Variants in SP6 observed in about 807,000 individuals in gnomAD.
The protein encoded by SP6 is Sp6 transcription factor.
Under a neutral mutation model 23.4 loss-of-function variants are expected in SP6, and 10 were observed. That is an observed-to-expected ratio of 0.43 (90% CI 0.26 to 0.72). The LOEUF is 0.72. Ranked by LOEUF, SP6 falls within the 30% of genes least tolerant of loss-of-function variation. The pLI is 0.23. For missense variants in SP6, 482 were observed against 523.8 expected (o/e 0.92, Z 0.78); for synonymous variants, 238 against 238.7 (o/e 1.00, Z 0.03).
At chr17:47,850,005 C>CG (rs1405892276) in intron 1 of SP6, among the ~76,000 whole-genome samples, 1 of 152,088 alleles carries the variant, frequency 6.6e-6, no homozygotes, top group Admixed American at 6.6e-5. Context: ...GAGAGGAGGA[C>CG]GGGGGCACCT....
the SP6 span, among the ~76,000 whole-genome samples, chr17:47,874,449 G>A: frequency 1.3e-5 from 2 of 152,144 alleles, no homozygotes; most frequent in Non-Finnish European, 2.9e-5. Flanking sequence ...GTACATGCCT[G>A]TAATTCCAGG....
Position 47,848,435 on chromosome 17 carries a change from G to A in SP6, c.-6C>T. On this transcript the variant is annotated 5_prime_UTR_variant, in exon 2 of 2. Coordinates refer to ENST00000536300, the MANE Select transcript of SP6 (RefSeq NM_001258248.2). The surrounding 1 kb of genome is among the most constrained non-coding windows in gnomAD (Gnocchi z 5.3). ...CCGCAGACAGCGGTTAGCATTGCCG[G>A]GATCCGGGGTGGGGTGAGGGCAGGG... 1.3e-6 allele frequency: 2 copies of A among 1,496,840 alleles called. No individual in the cohort carries two copies. The highest frequency in any genetic ancestry group is 1.8e-6 in the Non-Finnish European group (2 of 1,119,474). The allele number at this position is 1,496,840 out of a possible 1,614,324, so 92.7% of individuals were successfully genotyped here.
the SP6 span, among the ~76,000 whole-genome samples, chr17:47,861,566 C>G: frequency 1.3e-5 from 2 of 152,222 alleles, no homozygotes; most frequent in Non-Finnish European, 2.9e-5. Flanking sequence ...AAACCCATCT[C>G]TACCAAAAAT....
chr17:47,875,636 G>C, the SP6 span, among the ~76,000 whole-genome samples: 1 of 152,258 alleles, frequency 6.6e-6, no homozygotes, highest in East Asian at 1.9e-4. Context: ...TGCCAGGAGA[G>C]GAATCAACGT....
chr17:47,845,512 C>CA lies in SP6; in HGVS notation c.*1786dup, dbSNP rs2033875583. 1 of 152,532 alleles carries CA rather than the reference C, an allele frequency of 6.6e-6. No individual in the cohort carries two copies. The highest frequency in any genetic ancestry group is 6.5e-5 in the Admixed American group (1 of 15,278). 9.4% of individuals were successfully genotyped at this position (152,532 alleles called of 1,614,324 possible). A position where few individuals can be genotyped will look rare whatever the true frequency, so the allele number is the denominator to read the frequency against. ...AGGAGGGCCCCTTTGTATACAAACACATATTCCCACCCAGATCCCAGCCCC... is the reference window on the plus strand; with the variant it reads ...AGGAGGGCCCCTTTGTATACAAACACAATATTCCCACCCAGATCCCAGCCCC... On this transcript the variant is annotated 3_prime_UTR_variant, in exon 2 of 2. Transcript: ENST00000536300.
At chr17:47,865,055 G>C in the SP6 span, 1 of 152,292 alleles carries the variant, frequency 6.6e-6, no homozygotes, top group East Asian at 1.9e-4. Flanking sequence ...GAGAGAAGGA[G>C]AGCGAAAGCA....
At chr17:47,866,095 G>C in the SP6 span, among the ~76,000 whole-genome samples, 2 of 152,222 alleles carry the variant, frequency 1.3e-5, no homozygotes, top group South Asian at 2.1e-4. Context: ...ACTTCTCCAA[G>C]CTCTGGTCTC....
the SP6 span, among the ~76,000 whole-genome samples, chr17:47,872,607 A>C: frequency 6.6e-6 from 1 of 152,084 alleles, no homozygotes; most frequent in Non-Finnish European, 1.5e-5. Flanking sequence ...CCACACAACA[A>C]AGCAAGAGGC....
the SP6 span, among the ~76,000 whole-genome samples, chr17:47,868,748 G>C: frequency 6.6e-6 from 1 of 152,206 alleles, no homozygotes; most frequent in Admixed American, 6.5e-5. Context: ...TGCTGAGGCT[G>C]CCACGGAGCT....
chr17:47,847,734 G>T lies in SP6; in HGVS notation c.696C>A (p.Asn232Lys). 6.3e-7 allele frequency: 1 copy of T among 1,591,826 alleles called. No individual in the cohort carries two copies. Reference protein sequence around the residue: ...SSGQTVCRCPNCLEAERLGAP... With the variant: ...SSGQTVCRCPKCLEAERLGAP... The stretch of plus-strand genomic sequence containing the variant: ...CCCCCAGTCGCTCCGCCTCCAGACA[G>T]TTGGGGCAGCGACAGACGGTCTGGC... Residue 232 changes from asparagine to lysine, a missense_variant, in exon 2 of 2, where the codon AAC becomes AAA. Physicochemically the swap from Asn to Lys is moderately conservative, Grantham distance 94. Around this residue, in one of 3 missense-constraint regions of SP6, gnomAD observed 330 missense variants for 332.3 expected, o/e 0.99. Coordinates refer to ENST00000536300, the MANE Select transcript of SP6 (RefSeq NM_001258248.2).
Position 47,845,414 on chromosome 17 carries a change from G to A in SP6, c.*1885C>T, listed in dbSNP as rs2033874582. 3 of 152,204 alleles carry A rather than the reference G, an allele frequency of 2.0e-5. No homozygotes were observed. Among genetic ancestry groups the A allele is most frequent in the South Asian group, 2.1e-4 (1 of 4,832 alleles). The allele number at this position is 152,204 out of a possible 1,614,324, so 9.4% of individuals were successfully genotyped here. A position where few individuals can be genotyped will look rare whatever the true frequency, so the allele number is the denominator to read the frequency against. On this transcript the variant is annotated 3_prime_UTR_variant, in exon 2 of 2. Coordinates refer to ENST00000536300, the MANE Select transcript of SP6 (RefSeq NM_001258248.2). The stretch of plus-strand genomic sequence containing the variant: ...TAGCAGGAGGTAGGGAAAAGAGAAA[G>A]AAAGAAAGAACATTACTTCTTAAAC...
chr17:47,861,735 C>T, the SP6 span, among the ~76,000 whole-genome samples: 1 of 150,710 alleles, frequency 6.6e-6, no homozygotes, highest in Non-Finnish European at 1.5e-5. Context: ...AGTGAGACTC[C>T]GTCTGGAAAA....
At chr17:47,869,797 C>T in the SP6 span, among the ~76,000 whole-genome samples, 1 of 152,072 alleles carries the variant, frequency 6.6e-6, no homozygotes, top group Non-Finnish European at 1.5e-5. Context: ...GTGTTGGTTA[C>T]CCAGGTATGT....
chr17:47,859,822 G>A (rs1332353933), upstream of SP6, among the ~76,000 whole-genome samples: 3 of 152,154 alleles, frequency 2.0e-5, no homozygotes, highest in Non-Finnish European at 2.9e-5. Context: ...TCCCCACCCT[G>A]TCACCCTGCT....
Position 47,848,315 on chromosome 17 carries a change from C to G in SP6, c.115G>C (p.Glu39Gln). ...AGCGGGGAGGGGTAGTCCCCGGCCTCAGGGCTCGTGTGGCCCTGGTAAGTT... is the reference window on the plus strand; with the variant it reads ...AGCGGGGAGGGGTAGTCCCCGGCCTGAGGGCTCGTGTGGCCCTGGTAAGTT... ...LQTYQGHTSP[E>Q]AGDYPSPLQP... The change falls in exon 2 of 2, where the codon GAG becomes CAG. Residue 39 changes from glutamate to glutamine, a missense_variant. Glu to Gln is a conservative substitution (Grantham distance 29, BLOSUM62 2). Around this residue, in one of 3 missense-constraint regions of SP6, gnomAD observed 330 missense variants for 332.3 expected, o/e 0.99. Transcript: ENST00000536300. This position sits in a 1 kb window ranked among gnomAD's most constrained non-coding sequence, Gnocchi z 5.3. 1 of 1,611,172 alleles carries G rather than the reference C, an allele frequency of 6.2e-7. No homozygotes were observed. The highest frequency in any genetic ancestry group is 8.5e-7 in the Non-Finnish European group (1 of 1,178,926).
intron 1 of SP6, among the ~76,000 whole-genome samples, chr17:47,849,854 C>T (rs889350979): frequency 2.0e-5 from 3 of 152,178 alleles, no homozygotes; most frequent in Non-Finnish European, 4.4e-5. Context: ...GGTTTGTGTG[C>T]CTGGGTCTTC....
chr17:47,859,062 A>G (rs1196289348), upstream of SP6, among the ~76,000 whole-genome samples: 1 of 152,092 alleles, frequency 6.6e-6, no homozygotes, highest in African/African-American at 2.4e-5. Flanking sequence ...GGCGTGAGAT[A>G]TGATGCCTGG....
chr17:47,866,246 G>A, the SP6 span, among the ~76,000 whole-genome samples: 18 of 152,182 alleles, frequency 1.2e-4, no homozygotes, highest in African/African-American at 2.7e-4. Flanking sequence ...TGGAAAGAAC[G>A]TGGGTATCAG....
chr17:47,861,535 C>T, the SP6 span, among the ~76,000 whole-genome samples: 1 of 152,210 alleles, frequency 6.6e-6, no homozygotes, highest in Admixed American at 6.5e-5. Context: ...GAGTTCGAGA[C>T]CAGCCTGGCC....
Sources: allele counts gnomAD v4.1 joint callset (sites outside exome capture counted in the v4.1 genomes callset), GRCh38; gene constraint gnomAD v4.1.1; regional missense constraint gnomAD v4.1.1; non-coding constraint Gnocchi (gnomAD v3.1); transcripts MANE v1.5; gene names NCBI Gene and HGNC (gene_info 2026-07-23, HGNC 2026-07-21).